The following NCKAP5 variants were observed in gnomAD, a reference collection of about 807,000 sequenced individuals.
NCKAP5 encodes NCK associated protein 5.
In NCKAP5, 92 loss-of-function variants were observed where a neutral mutation model predicts 167.0. The ratio of observed to expected loss-of-function variants is 0.55; its 90% CI spans 0.47 to 0.66. The LOEUF (loss-of-function observed/expected upper bound fraction) is 0.66, where lower values mean the gene tolerates loss of function less well. Among genes scored for constraint, NCKAP5 ranks in the 30% least tolerant of loss-of-function variants. The pLI is 0.00. For missense variants in NCKAP5, 2,378 were observed against 2,315.0 expected (o/e 1.03, Z -0.56); for synonymous variants, 891 against 877.4 (o/e 1.02, Z -0.27).
At chr2:133,519,512 C>G (rs1244897862) in intron 2 of NCKAP5, among the ~76,000 whole-genome samples, 1 of 152,160 alleles carries the variant, frequency 6.6e-6, no homozygotes, top group Non-Finnish European at 1.5e-5. Context: ...ACTGTAAACA[C>G]TGGTAGTTCA....
chr2:132,785,600 C>T lies in NCKAP5; in HGVS notation c.1211G>A (p.Gly404Glu). 1.3e-6 allele frequency: 2 copies of T among 1,577,194 alleles called. No homozygotes were observed. Among genetic ancestry groups the T allele is most frequent in the Non-Finnish European group, 1.7e-6 (2 of 1,164,282 alleles). ...TTTTCGCTTCTGTAGCTTTCTTAGCCCTTCCAAAATGTGGCTTTCCTTGAT... is the reference window on the plus strand; with the variant it reads ...TTTTCGCTTCTGTAGCTTTCTTAGCTCTTCCAAAATGTGGCTTTCCTTGAT... ...TRIKESHILEGLRKLQKRKVL... is the reference protein window; with the variant it reads ...TRIKESHILEELRKLQKRKVL... Residue 404 changes from glycine to glutamate, a missense_variant, in exon 14 of 20, where the codon GGG (glycine) becomes GAG (glutamate). Physicochemically the swap from Gly to Glu is moderately conservative, Grantham distance 98 (BLOSUM62 -2). Coordinates refer to ENST00000409261, the MANE Select transcript of NCKAP5 (RefSeq NM_207363.3).
chr2:133,554,539 T>G (rs943976226), intron 2 of NCKAP5: 6 of 152,218 alleles, frequency 3.9e-5, no homozygotes, highest in Admixed American at 1.3e-4. Flanking sequence ...GATTTCTTAG[T>G]ACTCTGATCA....
chr2:133,674,259 G>A, the NCKAP5 span, among the ~76,000 whole-genome samples: 3 of 151,136 alleles, frequency 2.0e-5, no homozygotes, highest in African/African-American at 4.9e-5. Context: ...AAAAAAACAC[G>A]ATTGACATGC....
intron 3 of NCKAP5, among the ~76,000 whole-genome samples, chr2:133,466,585 A>G (rs1429877849): frequency 6.6e-5 from 10 of 151,922 alleles, no homozygotes; most frequent in South Asian, 4.2e-4. Context: ...CATTGAATCT[A>G]AAAATTACCT....
rs188902066 is a variant in NCKAP5, at chr2:133,345,495, C to T, written c.70-42385G>A. ...ATATGGAGCAATGGTTCTTAACCCT[C>T]GGTACACATTATAATCACCAAGTAG... On this transcript the variant is annotated intron_variant, in intron 3 of 19. Coordinates refer to ENST00000409261, the MANE Select transcript of NCKAP5 (RefSeq NM_207363.3). 1.2e-4 allele frequency among the ~76,000 whole-genome samples: 19 copies of T among 152,200 alleles called. No homozygotes were observed. The East Asian group carries it at 2.9e-3, about 23-fold the overall frequency.
chr2:133,106,705 A>G (rs762478567), intron 6 of NCKAP5, among the ~76,000 whole-genome samples: 2 of 152,236 alleles, frequency 1.3e-5, no homozygotes, highest in South Asian at 2.1e-4. Flanking sequence ...TTTTAAAAAT[A>G]TGGTTAGACT....
intron 8 of NCKAP5, among the ~76,000 whole-genome samples, chr2:132,949,083 C>G (rs140271247): frequency 2.9e-5 from 3 of 101,970 alleles, no homozygotes; most frequent in Non-Finnish European, 5.5e-5. Flanking sequence ...AGACCCACCC[C>G]CCACCCTGCC....
rs1249015909 is a variant in NCKAP5, at chr2:132,818,273, T to C, written c.808-21544A>G. Among the ~76,000 whole-genome samples the C allele has an allele frequency of 1.3e-5, 2 of 152,244 alleles. 1 individual carries two copies. Among genetic ancestry groups the C allele is most frequent in the Non-Finnish European group, 2.9e-5 (2 of 68,036 alleles). On this transcript the variant is annotated intron_variant, in intron 11 of 19. Transcript: ENST00000409261. ...CACCATACCCAGCCCTAATGCTAAATTCTGTATAGGAAGAATAATCTAAGC... is the reference window on the plus strand; with the variant it reads ...CACCATACCCAGCCCTAATGCTAAACTCTGTATAGGAAGAATAATCTAAGC...
intron 4 of NCKAP5, among the ~76,000 whole-genome samples, chr2:133,261,063 C>A (rs1012379013): frequency 6.6e-6 from 1 of 152,058 alleles, no homozygotes; most frequent in South Asian, 2.1e-4. Flanking sequence ...GGATCTTTTC[C>A]CAGGAGGTAT....
At position 132,783,421 on chromosome 2, in the gene NCKAP5, G is replaced by A. The variant is rs1683236664; in HGVS notation, c.3390C>T (p.Ser1130=). The change falls in exon 14 of 20, where the codon AGC becomes AGT. Residue 1130 remains serine (S), a synonymous_variant. Transcript: ENST00000409261. ...CATGAGCACTTTGACAACCATGAGG[G>A]CTGTTATGGCTTTTGGCGGGTGATG... ...SSSSPAKSHN[S]PHGCQSAHEK... 6.3e-7 allele frequency: 1 copy of A among 1,588,460 alleles called. No individual in the cohort carries two copies. The highest frequency in any genetic ancestry group is 8.6e-7 in the Non-Finnish European group (1 of 1,167,756).
intron 3 of NCKAP5, among the ~76,000 whole-genome samples, chr2:133,424,441 T>C (rs1320842147): frequency 2.6e-5 from 4 of 152,238 alleles, no homozygotes; most frequent in Non-Finnish European, 4.4e-5. Context: ...GCATCTTGTC[T>C]GAGCCAGCAA....
intron 16 of NCKAP5, among the ~76,000 whole-genome samples, chr2:132,766,914 C>A (rs933785798): frequency 4.6e-5 from 7 of 152,182 alleles, no homozygotes; most frequent in African/African-American, 1.7e-4. Flanking sequence ...TGCAGATGGG[C>A]ACATTACCAC....
intron 16 of NCKAP5, among the ~76,000 whole-genome samples, chr2:132,765,009 C>T (rs911737123): frequency 1.5e-4 from 23 of 152,124 alleles, no homozygotes; most frequent in African/African-American, 5.6e-4. Flanking sequence ...TACTAGAAGA[C>T]CTAATGTCCT....
intron 6 of NCKAP5, among the ~76,000 whole-genome samples, chr2:133,091,863 G>A (rs1233086433): frequency 6.6e-6 from 1 of 152,098 alleles, no homozygotes; most frequent in Non-Finnish European, 1.5e-5. Context: ...CTCCAGCCTG[G>A]GTGACAAAGT....
At chr2:132,675,008 G>A (rs947456423) in intron 19 of NCKAP5, among the ~76,000 whole-genome samples, 11 of 152,302 alleles carry the variant, frequency 7.2e-5, no homozygotes, top group Non-Finnish European at 1.3e-4. Context: ...TTTACCAAAT[G>A]GATGTAAATA....
chr2:133,136,465 C>T (rs1473821837), intron 5 of NCKAP5, among the ~76,000 whole-genome samples: 3 of 152,178 alleles, frequency 2.0e-5, no homozygotes, highest in African/African-American at 7.2e-5. Flanking sequence ...CCAAGCCCTC[C>T]GTGAGTCCTG....
At chr2:133,539,467 C>T (rs771245150) in intron 2 of NCKAP5, among the ~76,000 whole-genome samples, 15 of 151,608 alleles carry the variant, frequency 9.9e-5, no homozygotes, top group Non-Finnish European at 2.1e-4. Flanking sequence ...ATCAAACAAA[C>T]GAAAACAATG....
At chr2:132,802,996 T>G (rs947908205) in intron 11 of NCKAP5, among the ~76,000 whole-genome samples, 6 of 152,254 alleles carry the variant, frequency 3.9e-5, no homozygotes, top group African/African-American at 1.4e-4. Context: ...ATTATATAAC[T>G]GCATATTACA....
At position 133,515,796 on chromosome 2, in the gene NCKAP5, C is replaced by T. The variant is rs149919960; in HGVS notation, c.69+1662G>A. The stretch of plus-strand genomic sequence containing the variant: ...GATCCCCATTGGGGGTTACTCACGT[C>T]CCCCTGCCCTGTCTTGTCCTGCCCT... On this transcript the variant is annotated intron_variant, in intron 3 of 19. Coordinates refer to ENST00000409261, the MANE Select transcript of NCKAP5 (RefSeq NM_207363.3). Among the ~76,000 whole-genome samples the T allele has an allele frequency of 1.0e-3, 155 of 152,356 alleles. 1 individual carries two copies. Among genetic ancestry groups the T allele is most frequent in the Non-Finnish European group, 1.8e-3 (122 of 68,036 alleles).
Sources: allele counts gnomAD v4.1 joint callset (sites outside exome capture counted in the v4.1 genomes callset), GRCh38; gene constraint gnomAD v4.1.1; transcripts MANE v1.5; gene names NCBI Gene and HGNC (gene_info 2026-07-23, HGNC 2026-07-21).